The following DLG2 variants were observed in gnomAD, a reference collection of about 807,000 sequenced individuals.
DLG2 encodes discs large MAGUK scaffold protein 2.
DLG2 carries 45 observed loss-of-function variants against 132.5 expected under a neutral mutation model. That is an observed-to-expected ratio of 0.34 (90% CI 0.27 to 0.44). The LOEUF (loss-of-function observed/expected upper bound fraction) is 0.44, where lower values mean the gene tolerates loss of function less well. DLG2 is among the 20% of genes least tolerant of loss of function. The pLI, the probability that DLG2 is intolerant of heterozygous loss-of-function variation, is 1.00. For synonymous variants in DLG2, 424 were observed against 419.6 expected (o/e 1.01, Z -0.13); for missense variants, 1,045 against 1,196.9 (o/e 0.87, Z 1.87).
intron 4 of DLG2, among the ~76,000 whole-genome samples, chr11:85,223,361 T>G (rs1253814388): frequency 6.6e-6 from 1 of 152,094 alleles, no homozygotes; most frequent in Non-Finnish European, 1.5e-5. Flanking sequence ...AGGATGAGCA[T>G]GGTGGCTTAC....
At chr11:84,432,377 G>C (rs1007410819) in intron 7 of DLG2, among the ~76,000 whole-genome samples, 1 of 152,170 alleles carries the variant, frequency 6.6e-6, no homozygotes, top group African/African-American at 2.4e-5. Flanking sequence ...TATCATGATG[G>C]GTTTTGTAGA....
At chr11:84,680,202 G>C (rs2099725199) in intron 6 of DLG2, among the ~76,000 whole-genome samples, 1 of 152,040 alleles carries the variant, frequency 6.6e-6, no homozygotes, top group Admixed American at 6.6e-5. Context: ...ACTTCTTCTA[G>C]GCAGAACACT....
At chr11:84,865,132 T>C (rs1168940392) in intron 6 of DLG2, among the ~76,000 whole-genome samples, 1 of 152,130 alleles carries the variant, frequency 6.6e-6, no homozygotes, top group Non-Finnish European at 1.5e-5. Context: ...AGCAACATCA[T>C]ATAACATAAA....
chr11:83,667,023 C>T (rs7928379), intron 18 of DLG2, among the ~76,000 whole-genome samples: 67,874 of 152,064 alleles, frequency 0.45, 16,832 homozygotes, highest in African/African-American at 0.67. Context: ...CTGCGATATA[C>T]GGTCAACGCT....
intron 7 of DLG2, among the ~76,000 whole-genome samples, chr11:84,530,500 T>G (rs2099334286): frequency 6.6e-6 from 1 of 152,182 alleles, no homozygotes. Flanking sequence ...AAGATATATA[T>G]GCAGCCAAGA....
chr11:83,494,134 C>A (rs2094020062), intron 21 of DLG2, among the ~76,000 whole-genome samples: 2 of 151,932 alleles, frequency 1.3e-5, no homozygotes, highest in Non-Finnish European at 2.9e-5. Flanking sequence ...GGATTAAAGA[C>A]CTGTCACATC....
intron 11 of DLG2, among the ~76,000 whole-genome samples, chr11:84,000,435 G>A (rs186327083): frequency 1.3e-5 from 2 of 151,918 alleles, no homozygotes; most frequent in East Asian, 1.9e-4. Flanking sequence ...GGATGAAAGG[G>A]TTAGAAAAAC....
At chr11:85,474,777 C>T (rs1257074412) in intron 3 of DLG2, among the ~76,000 whole-genome samples, 2 of 151,326 alleles carry the variant, frequency 1.3e-5, no homozygotes. Flanking sequence ...TTAAAATTTA[C>T]TTAATGTAAT....
chr11:84,111,427 A>G (rs2093345490), intron 9 of DLG2, among the ~76,000 whole-genome samples: 1 of 152,130 alleles, frequency 6.6e-6, no homozygotes. Context: ...CTTTCTCTAG[A>G]TCCTCAGCAT....
intron 6 of DLG2, among the ~76,000 whole-genome samples, chr11:84,604,952 T>G (rs554174864): frequency 6.6e-6 from 1 of 151,992 alleles, no homozygotes; most frequent in Admixed American, 6.6e-5. Context: ...TTGGTATATA[T>G]TCTTCTTGAT....
intron 2 of DLG2, among the ~76,000 whole-genome samples, chr11:85,603,710 G>T (rs763139447): frequency 2.0e-4 from 31 of 152,074 alleles, no homozygotes; most frequent in Non-Finnish European, 3.7e-4. Flanking sequence ...GAGACCGGGA[G>T]TTCGAGACCA....
chr11:84,931,948 A>G (rs1191895634), intron 6 of DLG2, among the ~76,000 whole-genome samples: 2 of 152,110 alleles, frequency 1.3e-5, no homozygotes, highest in African/African-American at 4.8e-5. Context: ...TCCTTTGCCC[A>G]CTTTTTAATG....
At chr11:83,854,876 G>C (rs558876413) in intron 16 of DLG2, among the ~76,000 whole-genome samples, 1 of 132,904 alleles carries the variant, frequency 7.5e-6, no homozygotes, top group African/African-American at 2.6e-5. Flanking sequence ...GAAATGACAA[G>C]CTAAATACTG....
chr11:83,489,906 G>A (rs1374444648), intron 21 of DLG2, among the ~76,000 whole-genome samples: 1 of 151,788 alleles, frequency 6.6e-6, no homozygotes, highest in East Asian at 1.9e-4. Flanking sequence ...ACGTGGTACG[G>A]AGGAAGGAGA....
intron 17 of DLG2, among the ~76,000 whole-genome samples, chr11:83,820,598 C>A (rs921452594): frequency 2.6e-5 from 4 of 152,154 alleles, no homozygotes; most frequent in Admixed American, 2.0e-4. Flanking sequence ...GCTTTCAGGG[C>A]AAGAAAATGG....
chr11:84,701,510 C>T (rs1021519116), intron 6 of DLG2, among the ~76,000 whole-genome samples: 1 of 151,596 alleles, frequency 6.6e-6, no homozygotes, highest in African/African-American at 2.4e-5. Flanking sequence ...CCCATTCTCA[C>T]CCTGGATACT....
intron 3 of DLG2, among the ~76,000 whole-genome samples, chr11:85,392,544 G>A (rs1327847890): frequency 3.9e-5 from 6 of 151,918 alleles, no homozygotes; most frequent in Non-Finnish European, 5.9e-5. Flanking sequence ...CAAATCTGGA[G>A]GCATCATACT....
intron 8 of DLG2, among the ~76,000 whole-genome samples, chr11:84,211,091 A>T (rs2154310245): frequency 6.6e-6 from 1 of 152,352 alleles, no homozygotes; most frequent in African/African-American, 2.4e-5. Flanking sequence ...ACAACTGTAG[A>T]AACAGATATA....
intron 6 of DLG2, among the ~76,000 whole-genome samples, chr11:84,865,963 T>C (rs1219856803): frequency 1.3e-5 from 2 of 152,228 alleles, no homozygotes; most frequent in East Asian, 3.8e-4. Flanking sequence ...TGCTACAGGC[T>C]GCAGCAGCTG....
Sources: gnomAD v4.1 joint callset for allele counts (sites outside exome capture counted in the v4.1 genomes callset) on GRCh38, gnomAD v4.1.1 for gene constraint, MANE v1.5 for transcripts, NCBI Gene and HGNC (gene_info 2026-07-23, HGNC 2026-07-21) for gene names.